AKAP3: variants seen among roughly 807,000 people sequenced by gnomAD.
AKAP3 encodes A-kinase anchoring protein 3.
Under a neutral mutation model 57.2 loss-of-function variants are expected in AKAP3, and 27 were observed. That is an observed-to-expected ratio of 0.47 (90% CI 0.35 to 0.65). The LOEUF is 0.65. Ranked by LOEUF, AKAP3 falls within the 30% of genes least tolerant of loss-of-function variation. AKAP3 has a pLI of 0.01. For synonymous variants in AKAP3, 334 were observed against 392.3 expected, an observed-to-expected ratio of 0.85 and a Z score of 1.76; for missense variants, 959 against 1,040.0, an observed-to-expected ratio of 0.92 and a Z score of 1.07.
intron 5 of AKAP3, among the ~76,000 whole-genome samples, chr12:4,617,583 T>C (rs1945300355): frequency 6.6e-6 from 1 of 152,040 alleles, no homozygotes; most frequent in African/African-American, 2.4e-5. Flanking sequence ...CAAAACCCCA[T>C]CTCTACTAAA....
chr12:4,641,054 C>G (rs1945630902), intron 3 of AKAP3, among the ~76,000 whole-genome samples: 1 of 116,222 alleles, frequency 8.6e-6, no homozygotes, highest in Non-Finnish European at 1.8e-5. Flanking sequence ...GACAGATTTT[C>G]TAACTTCCTT....
At position 4,628,719 on chromosome 12, in the gene AKAP3, G is replaced by C; in HGVS notation, c.183C>G (p.Phe61Leu). Residue 61 changes from phenylalanine (F) to leucine (L), a missense_variant, in exon 5 of 6, where the codon TTC (phenylalanine) becomes TTG (leucine). Phe to Leu is a conservative substitution (Grantham distance 22). Coordinates refer to ENST00000228850, the MANE Select transcript of AKAP3 (RefSeq NM_001278309.2). ...KSTAEFQDVR[F>L]KPGESFGGET... ...CCCCACCAAATGATTCTCCGGGTTTGAACCGAACATCTTGGAACTCTGCTG... is the reference window on the plus strand; with the variant it reads ...CCCCACCAAATGATTCTCCGGGTTTCAACCGAACATCTTGGAACTCTGCTG... 2 of 1,614,200 alleles carry C rather than the reference G, an allele frequency of 1.2e-6. No individual in the cohort carries two copies. Among genetic ancestry groups the C allele is most frequent in the South Asian group, 2.2e-5 (2 of 91,078 alleles).
At chr12:4,623,756 A>T (rs1840216551) in intron 5 of AKAP3, among the ~76,000 whole-genome samples, 1 of 152,190 alleles carries the variant, frequency 6.6e-6, no homozygotes, top group African/African-American at 2.4e-5. Context: ...AAAATAAGTT[A>T]AAAAAAGAAA....
chr12:4,629,593 A>G (rs912619608), intron 4 of AKAP3, among the ~76,000 whole-genome samples: 1 of 152,228 alleles, frequency 6.6e-6, no homozygotes. Flanking sequence ...ACGTTTACCT[A>G]TGTAACAAAC....
intron 3 of AKAP3, among the ~76,000 whole-genome samples, chr12:4,639,417 A>T (rs1021225389): frequency 1.3e-5 from 2 of 151,946 alleles, no homozygotes; most frequent in Non-Finnish European, 2.9e-5. Flanking sequence ...ATTTAATTTA[A>T]TTTAATTTTT....
At chr12:4,643,765 G>C (rs1004675373) in intron 2 of AKAP3, among the ~76,000 whole-genome samples, 1 of 152,206 alleles carries the variant, frequency 6.6e-6, no homozygotes, top group Non-Finnish European at 1.5e-5. Context: ...TAGGGGCTTG[G>C]TTATGGTCGT....
In AKAP3 at chr12:4,628,403, G is replaced by C. The variant is rs751671454; in HGVS notation, c.499C>G (p.Pro167Ala). 1.2e-6 allele frequency: 2 copies of C among 1,614,132 alleles called. No homozygotes were observed. Residue 167 changes from proline (P) to alanine (A), a missense_variant, in exon 5 of 6, where the codon CCC (proline) becomes GCC (alanine). Pro to Ala is a conservative substitution (Grantham distance 27). Transcript: ENST00000228850. ...GCTATCTTACTGAGGCTTTTGGTGGGTGTGGGTTCATTCCCCATGTACAAT... is the reference window on the plus strand; with the variant it reads ...GCTATCTTACTGAGGCTTTTGGTGGCTGTGGGTTCATTCCCCATGTACAAT... ...QSLYMGNEPT[P>A]TKSLSKIASE...
chr12:4,615,968 G>T, intron 5 of AKAP3, 74 bp from the exon 6 acceptor site: 1 of 1,590,506 alleles, frequency 6.3e-7, no homozygotes, highest in Non-Finnish European at 8.6e-7. Context: ...TGCCAAGGCT[G>T]GAGCAGAGAG....
chr12:4,622,760 A>G (rs1945361575), intron 5 of AKAP3, among the ~76,000 whole-genome samples: 1 of 152,238 alleles, frequency 6.6e-6, no homozygotes, highest in African/African-American at 2.4e-5. Flanking sequence ...AACTGCAACA[A>G]GAGCAAAGCT....
chr12:4,615,710 A>G lies in AKAP3; in HGVS notation c.*29T>C. On this transcript the variant is annotated 3_prime_UTR_variant, in exon 6 of 6. Transcript: ENST00000228850. ...GGGGATAAGGGCCGGCCCCACTGCC[A>G]GAAGAGGGGAAAGCAGTGGGGTTGC... The G allele has an allele frequency of 1.2e-6, 2 of 1,604,600 alleles. No individual in the cohort carries two copies. The highest frequency in any genetic ancestry group is 1.7e-5 in the Admixed American group (1 of 59,606).
chr12:4,627,359 T>A lies in AKAP3; in HGVS notation c.1543A>T (p.Asn515Tyr), dbSNP rs777662047. The change falls in exon 5 of 6, where the codon AAT becomes TAT. Residue 515 changes from asparagine (N) to tyrosine (Y), a missense_variant. Transcript: ENST00000228850. ...CAGGAGTCTGAATCATACATAAAAT[T>A]CTCAGGTTTCTCTGGAGGATATGGA... ...LPPYPPEKPENFMYDSDSWAE... is the reference protein window; with the variant it reads ...LPPYPPEKPEYFMYDSDSWAE... 2.2e-5 allele frequency: 35 copies of A among 1,613,938 alleles called. No individual in the cohort carries two copies. In the East Asian group the frequency reaches 7.8e-4, roughly 36 times the overall value.
chr12:4,628,908 C>T, intron 4 of AKAP3, 103 bp from the exon 5 acceptor site: 19 of 1,218,376 alleles, frequency 1.6e-5, no homozygotes, highest in Middle Eastern at 2.5e-4. Flanking sequence ...CCCTCTCAAG[C>T]TTGCTCCATC....
At chr12:4,626,219 A>C (rs577914372) in intron 5 of AKAP3, among the ~76,000 whole-genome samples, 30 of 152,320 alleles carry the variant, frequency 2.0e-4, no homozygotes, top group Middle Eastern at 3.4e-3. Flanking sequence ...TTCTTTCACT[A>C]GGTCTCTTGG....
chr12:4,627,871 A>G lies in AKAP3; in HGVS notation c.1031T>C (p.Val344Ala), dbSNP rs1358122706. The G allele has an allele frequency of 6.2e-7, 1 of 1,614,136 alleles. No homozygotes were observed. The highest frequency in any genetic ancestry group is 8.5e-7 in the Non-Finnish European group (1 of 1,180,010). ...TGTGTCAGTCATGAGGGTCCCTGTG[A>G]CGCTGTGGAGATTCCTCAAGAAGGA... ...IDSFLRNLHSVTGTLMTDTQF... is the reference protein window; with the variant it reads ...IDSFLRNLHSATGTLMTDTQF... The change falls in exon 5 of 6, where the codon GTC (valine) becomes GCC (alanine). Residue 344 changes from valine to alanine, a missense_variant. Transcript: ENST00000228850.
At chr12:4,636,895 G>A (rs1055453689) in intron 4 of AKAP3, among the ~76,000 whole-genome samples, 11 of 152,066 alleles carry the variant, frequency 7.2e-5, no homozygotes, top group African/African-American at 2.2e-4. Flanking sequence ...GACTACAGAC[G>A]TGTGCAACCA....
At chr12:4,635,754 G>C (rs948502002) in intron 4 of AKAP3, 1 of 719,098 alleles carries the variant, frequency 1.4e-6, no homozygotes. Flanking sequence ...TATCATTCTT[G>C]ACCAGCTGTA....
At position 4,627,007 on chromosome 12, in the gene AKAP3, G is replaced by C. The variant is rs749738318; in HGVS notation, c.1895C>G (p.Pro632Arg). Residue 632 changes from proline (P) to arginine (R), a missense_variant, in exon 5 of 6, where the codon CCG (proline) becomes CGG (arginine). Physicochemically the swap from Pro to Arg is moderately radical, Grantham distance 103. Coordinates refer to ENST00000228850, the MANE Select transcript of AKAP3 (RefSeq NM_001278309.2). ...TAGCCTGGGGGGAGAAGACGCCAACGGTCTTTCACACAACTTCCTATCTTC... is the reference window on the plus strand; with the variant it reads ...TAGCCTGGGGGGAGAAGACGCCAACCGTCTTTCACACAACTTCCTATCTTC... The part of the protein sequence containing the change: ...VKEDRKLCER[P>R]LASSPPRLYE... 3 of 1,614,082 alleles carry C rather than the reference G, an allele frequency of 1.9e-6. No homozygotes were observed. Among genetic ancestry groups the C allele is most frequent in the Admixed American group, 1.7e-5 (1 of 60,008 alleles).
chr12:4,643,626 C>T (rs1379972666), intron 2 of AKAP3, among the ~76,000 whole-genome samples: 1 of 152,130 alleles, frequency 6.6e-6, no homozygotes, highest in African/African-American at 2.4e-5. Context: ...ATTCTGGCAG[C>T]TGTGAAATTT....
At chr12:4,631,212 T>A (rs1336381907) in intron 4 of AKAP3, 2 of 567,822 alleles carry the variant, frequency 3.5e-6, no homozygotes, top group Admixed American at 3.1e-5. Flanking sequence ...ATTTTATGTC[T>A]GACCATTTGG....
Sources: allele counts gnomAD v4.1 joint callset (sites outside exome capture counted in the v4.1 genomes callset), GRCh38; gene constraint gnomAD v4.1.1; transcripts MANE v1.5; gene names NCBI Gene and HGNC (gene_info 2026-07-23, HGNC 2026-07-21).